The following PTPRK variants were observed in gnomAD, a reference collection of about 807,000 sequenced individuals.
PTPRK encodes the protein protein tyrosine phosphatase receptor type K, also known as receptor-type tyrosine-protein phosphatase kappa.
PTPRK carries 75 observed loss-of-function variants against 178.0 expected under a neutral mutation model. That is an observed-to-expected ratio of 0.42 (90% CI 0.35 to 0.51). PTPRK has a LOEUF of 0.51. PTPRK is among the 20% of genes least tolerant of loss of function. The pLI, the probability that PTPRK is intolerant of heterozygous loss-of-function variation, is 0.02. For missense variants in PTPRK, 1,441 were observed against 1,797.8 expected, an observed-to-expected ratio of 0.80 and a Z score of 3.59; for synonymous variants, 637 against 620.6, an observed-to-expected ratio of 1.03 and a Z score of -0.39.
rs1296665034 is a variant in PTPRK, at chr6:128,397,661, C to G, written c.128G>C (p.Gly43Ala). ...CAGATCCTGGTGGTAATCACAGGCC[C>G]CTGGACCATCATCAAAAGTACAGCC... ...AGGCTFDDGP[G>A]ACDYHQDLYD... Residue 43 changes from glycine to alanine, a missense_variant, in exon 2 of 30, where the codon GGG (glycine) becomes GCG (alanine). By Grantham distance (60) the Gly-to-Ala change is moderately conservative (BLOSUM62 0). Coordinates refer to ENST00000368226, the MANE Select transcript of PTPRK (RefSeq NM_002844.4). 1 of 1,613,276 alleles carries G rather than the reference C, an allele frequency of 6.2e-7. No individual in the cohort carries two copies. The highest frequency in any genetic ancestry group is 2.2e-5 in the East Asian group (1 of 44,846).
At chr6:128,311,872 CCCATTTAAGGGTCATGA>C (rs1381134006) in intron 3 of PTPRK, among the ~76,000 whole-genome samples, 1 of 152,084 alleles carries the variant, frequency 6.6e-6, no homozygotes, top group Non-Finnish European at 1.5e-5. Context: ...CCTTTTCCTT[CCCATTTAAGGGTCATGA>C]CCAACACTCC....
chr6:128,377,578 AGACAACTG>A (rs1346462583), intron 2 of PTPRK, among the ~76,000 whole-genome samples: 1 of 152,194 alleles, frequency 6.6e-6, no homozygotes, highest in Admixed American at 6.6e-5. Flanking sequence ...TGTAAGTAAT[AGACAACTG>A]GAACTGCCTA....
Position 128,138,580 on chromosome 6 carries a change from A to AT in PTPRK, c.1162+45851dup, listed in dbSNP as rs201374022. ...TCACCACACTGATTTTTTTATTCTT[A>AT]TTTTTTAAAAACAGCTCTGATTTTT... On this transcript the variant is annotated intron_variant, in intron 7 of 29. Transcript: ENST00000368226. 6.5e-3 allele frequency among the ~76,000 whole-genome samples: 985 copies of AT among 152,092 alleles called. 10 individuals carry two copies. The highest frequency in any genetic ancestry group is 0.023 in the African/African-American group (955 of 41,502).
chr6:128,079,108 A>C (rs1268665252), intron 10 of PTPRK, among the ~76,000 whole-genome samples, 190 bp from the exon 11 acceptor site: 2 of 152,096 alleles, frequency 1.3e-5, no homozygotes, highest in African/African-American at 4.8e-5. Flanking sequence ...AAAGCTAGAA[A>C]ACCAAGATTT....
chr6:128,162,338 CTG>C (rs761462506), intron 7 of PTPRK, among the ~76,000 whole-genome samples: 1 of 151,580 alleles, frequency 6.6e-6, no homozygotes, highest in Non-Finnish European at 1.5e-5. Flanking sequence ...GTTTTGTCCT[CTG>C]TGTCTTTGCG....
At chr6:128,129,002 A>C (rs1211955986) in intron 7 of PTPRK, among the ~76,000 whole-genome samples, 2 of 152,230 alleles carry the variant, frequency 1.3e-5, no homozygotes, top group African/African-American at 2.4e-5. Flanking sequence ...AGGCCTAAAC[A>C]GGCCTATTGA....
chr6:128,460,156 A>G lies in PTPRK; in HGVS notation c.100+60103T>C, dbSNP rs1260713374. Among the ~76,000 whole-genome samples the G allele has an allele frequency of 2.0e-5, 3 of 152,208 alleles. No individual in the cohort carries two copies. In the East Asian group the frequency reaches 5.8e-4, roughly 29 times the overall value. ...TTGAACATGAGATTTGGGTGGGGAC[A>G]CCGATCAAAACCATGTCAACAGTGG... On this transcript the variant is annotated intron_variant, in intron 1 of 29. Coordinates refer to ENST00000368226, the MANE Select transcript of PTPRK (RefSeq NM_002844.4).
chr6:128,433,962 T>G (rs969422735), intron 1 of PTPRK, among the ~76,000 whole-genome samples: 1 of 151,658 alleles, frequency 6.6e-6, no homozygotes, highest in African/African-American at 2.4e-5. Context: ...AATCTTTGAA[T>G]GATTTTGTAT....
intron 1 of PTPRK, among the ~76,000 whole-genome samples, chr6:128,435,875 C>A (rs1845523216): frequency 6.6e-6 from 1 of 151,846 alleles, no homozygotes; most frequent in Non-Finnish European, 1.5e-5. Context: ...AAAATGAGTT[C>A]TCAAATAAAC....
chr6:127,981,838 T>C (rs1178968222), intron 24 of PTPRK, among the ~76,000 whole-genome samples: 1 of 152,166 alleles, frequency 6.6e-6, no homozygotes. Context: ...ATTACTATTA[T>C]TATTTTTGAG....
At chr6:128,063,218 A>C (rs191993817) in intron 13 of PTPRK, among the ~76,000 whole-genome samples, 1 of 152,174 alleles carries the variant, frequency 6.6e-6, no homozygotes, top group East Asian at 1.9e-4. Flanking sequence ...ATAATGGACT[A>C]TTTTTTACCA....
chr6:128,243,605 A>T (rs1315835053), intron 3 of PTPRK, among the ~76,000 whole-genome samples: 2 of 151,604 alleles, frequency 1.3e-5, no homozygotes, highest in Non-Finnish European at 2.9e-5. Context: ...AAGGTGGGAG[A>T]ATTGCTTGAA....
At chr6:128,103,410 A>T (rs555397432) in intron 7 of PTPRK, among the ~76,000 whole-genome samples, 52 of 152,284 alleles carry the variant, frequency 3.4e-4, no homozygotes, top group African/African-American at 1.3e-3. Context: ...CCATCTGCAG[A>T]TGGCAGAGAT....
intron 13 of PTPRK, among the ~76,000 whole-genome samples, chr6:128,019,520 G>A (rs1773145794): frequency 7.2e-6 from 1 of 139,622 alleles, no homozygotes; most frequent in Non-Finnish European, 1.5e-5. Flanking sequence ...GGTTCTGAGA[G>A]GAAGCCTTAG....
intron 6 of PTPRK, among the ~76,000 whole-genome samples, chr6:128,186,511 C>A (rs917080091): frequency 8.5e-5 from 13 of 152,242 alleles, no homozygotes; most frequent in African/African-American, 3.1e-4. Context: ...ACTTTAACTA[C>A]AACATCCATT....
At chr6:128,188,355 C>G (rs999883872) in intron 6 of PTPRK, among the ~76,000 whole-genome samples, 1 of 152,046 alleles carries the variant, frequency 6.6e-6, no homozygotes, top group Non-Finnish European at 1.5e-5. Context: ...ACATGTGTCA[C>G]TTAGCAAAAT....
At chr6:127,976,393 C>G (rs553726516) in intron 27 of PTPRK, among the ~76,000 whole-genome samples, 2 of 152,338 alleles carry the variant, frequency 1.3e-5, no homozygotes, top group East Asian at 3.9e-4. Flanking sequence ...CAGGCCTAGG[C>G]TGTCCAACTT....
rs150914766 is a variant in PTPRK, at chr6:128,459,807, C to T, written c.100+60452G>A. On this transcript the variant is annotated intron_variant, in intron 1 of 29. Transcript: ENST00000368226. ...CATTGCTATAAAGAAATACCTGAAA[C>T]TGGGTAATTTATAAAGAAAAGAGGT... Among the ~76,000 whole-genome samples, 1,384 of 152,206 alleles carry T rather than the reference C, an allele frequency of 9.1e-3. 23 individuals are homozygous for T. Among genetic ancestry groups the T allele is most frequent in the African/African-American group, 0.031 (1,304 of 41,538 alleles).
At chr6:128,359,192 T>G (rs1404682842) in intron 2 of PTPRK, among the ~76,000 whole-genome samples, 2 of 151,388 alleles carry the variant, frequency 1.3e-5, no homozygotes, top group Admixed American at 1.3e-4. Context: ...GGCTCACGCC[T>G]GTAATCCCAG....
Sources: gnomAD v4.1 joint callset for allele counts (sites outside exome capture counted in the v4.1 genomes callset) on GRCh38, gnomAD v4.1.1 for gene constraint, MANE v1.5 for transcripts, NCBI Gene and HGNC (gene_info 2026-07-23, HGNC 2026-07-21) for gene names.